Variants in POLE observed in about 807,000 individuals in gnomAD.
POLE encodes DNA polymerase epsilon catalytic subunit A.
A neutral mutation model predicts 279.2 loss-of-function variants in POLE; 188 were observed. That is an observed-to-expected ratio of 0.67 (90% CI 0.60 to 0.76). The LOEUF is 0.76. POLE is among the 30% of genes least tolerant of loss of function. The probability of loss-of-function intolerance (pLI) is 0.00; values close to 1 mark genes in which losing one functional copy is unlikely to be tolerated. For missense variants in POLE, 2,703 were observed against 3,016.7 expected (o/e 0.90, Z 2.44); for synonymous variants, 1,214 against 1,172.5 (o/e 1.04, Z -0.72).
rs1565945381 is a variant in POLE, at chr12:132,649,009, A to G, written c.4069T>C (p.Cys1357Arg). 1.2e-6 allele frequency: 2 copies of G among 1,614,020 alleles called. No homozygotes were observed. Among genetic ancestry groups the G allele is most frequent in the South Asian group, 1.1e-5 (1 of 91,088 alleles). ...ACACGGGGGATGCTCAGCCTGATGCAGTGCAAGTCACTGCCAACGAGCGCC... is the reference window on the plus strand; with the variant it reads ...ACACGGGGGATGCTCAGCCTGATGCGGTGCAAGTCACTGCCAACGAGCGCC... ...LWALVGSDLH[C>R]IRLSIPRVFY... The change falls in exon 32 of 49, where the codon TGC (cysteine) becomes CGC (arginine). Residue 1357 changes from cysteine (C) to arginine (R), a missense_variant. Physicochemically the swap from Cys to Arg is radical, Grantham distance 180. Transcript: ENST00000320574.
At chr12:132,682,207 T>C (rs1053455771) in intron 1 of POLE, among the ~76,000 whole-genome samples, 4 of 151,112 alleles carry the variant, frequency 2.6e-5, no homozygotes, top group Admixed American at 2.0e-4. Flanking sequence ...GGCAGGAGAA[T>C]GGCGTGAACC....
intron 45 of POLE, among the ~76,000 whole-genome samples, chr12:132,627,875 T>G (rs1001658816): frequency 6.6e-6 from 1 of 152,174 alleles, no homozygotes; most frequent in Admixed American, 6.5e-5. Flanking sequence ...AACTGACTCT[T>G]CCTTCCATGA....
At chr12:132,640,701 C>G (rs1202284553) in intron 39 of POLE, among the ~76,000 whole-genome samples, 1 of 152,260 alleles carries the variant, frequency 6.6e-6, no homozygotes, top group Non-Finnish European at 1.5e-5. Flanking sequence ...ACAAGAGAAC[C>G]TACAGAGGTC....
In POLE at chr12:132,632,374, G is replaced by A. The variant is rs572252265; in HGVS notation, c.6271C>T (p.Pro2091Ser). The A allele has an allele frequency of 3.7e-5, 60 of 1,614,042 alleles. No homozygotes were observed. The South Asian group carries it at 5.9e-4, about 16-fold the overall frequency. Residue 2091 changes from proline to serine, a missense_variant, in exon 45 of 49, where the codon CCC becomes TCC. Around this residue, in one of 5 missense-constraint regions of POLE, gnomAD observed 1,551 missense variants for 1,686.1 expected, o/e 0.92. Transcript: ENST00000320574. ...TELSEMFPVL[P>S]GSHLLLNNPA... ...TTATTGAGCAGCAAGTGGGAACCGG[G>A]GAGGACAGGAAACATCTCTGAGAGC...
At position 132,658,881 on chromosome 12, in the gene POLE, C is replaced by CAAAAAAAAA. The variant is rs1167117347; in HGVS notation, c.3275+405_3275+413dup. 4.3e-3 allele frequency among the ~76,000 whole-genome samples: 145 copies of CAAAAAAAAA among 33,828 alleles called. 32 individuals are homozygous for CAAAAAAAAA. The highest frequency in any genetic ancestry group is 0.011 in the African/African-American group (107 of 9,776). The allele number at this position is 33,828 out of a possible 152,430, so 22.2% of individuals were successfully genotyped here. ...ACTGGTCCTATTTGTATATAACCAC[C>CAAAAAAAAA]AAAAAAAAAAAAAAAAAAAAAAAAA... On this transcript the variant is annotated intron_variant, in intron 26 of 48. Coordinates refer to ENST00000320574, the MANE Select transcript of POLE (RefSeq NM_006231.4).
rs116482376 is a variant in POLE at position 132,649,399 on chromosome 12, G to A, written c.3912C>T (p.Pro1304=). 3.8e-5 allele frequency: 62 copies of A among 1,613,254 alleles called. No homozygotes were observed. Among genetic ancestry groups the A allele is most frequent in the South Asian group, 4.4e-5 (4 of 91,088 alleles). Residue 1304 remains proline (P), a synonymous_variant, in exon 31 of 49, where the codon CCC becomes CCT. Transcript: ENST00000320574. ...RLESAEGVLR[P]GAIRDGPATG... ...TGGCAGGACCATCCCGGATGGCCCCGGGCCTGAGCACACCCTCTGCCGACT... is the reference window on the plus strand; with the variant it reads ...TGGCAGGACCATCCCGGATGGCCCCAGGCCTGAGCACACCCTCTGCCGACT...
intron 32 of POLE, 73 bp downstream of exon 32, chr12:132,648,856 G>A (rs1336151947): frequency 1.4e-5 from 20 of 1,479,926 alleles, no homozygotes; most frequent in Non-Finnish European, 1.8e-5. Flanking sequence ...GAGGCTGGAG[G>A]CCAGGCTAGA....
Position 132,657,897 on chromosome 12 carries a change from A to G in POLE, c.3349T>C (p.Ser1117Pro), listed in dbSNP as rs777793030. The change falls in exon 27 of 49, where the codon TCT becomes CCT. Residue 1117 changes from serine to proline, a missense_variant. Around this residue, in one of 5 missense-constraint regions of POLE, gnomAD observed 1,551 missense variants for 1,686.1 expected, o/e 0.92. Coordinates refer to ENST00000320574, the MANE Select transcript of POLE (RefSeq NM_006231.4). Reference sequence around the variant, plus strand: ...CGAATATCAAAGTCTTGAAGGGAAGAGCTCTTGAGCCATTTCCGGAGAAAG... The same window carrying G: ...CGAATATCAAAGTCTTGAAGGGAAGGGCTCTTGAGCCATTTCCGGAGAAAG... ...KHFLRKWLKS[S>P]SLQDFDIRAI... The G allele has an allele frequency of 2.3e-5, 37 of 1,613,948 alleles. No homozygotes were observed. The South Asian group carries it at 3.8e-4, about 17-fold the overall frequency.
chr12:132,648,509 G>GA (rs1226516037), intron 32 of POLE: 17 of 153,960 alleles, frequency 1.1e-4, no homozygotes, highest in East Asian at 3.8e-4. Context: ...TTAAAAAAAA[G>GA]AAAAAAAAAG....
Position 132,673,167 on chromosome 12 carries a change from G to T in POLE, c.1470C>A (p.Asp490Glu), listed in dbSNP as rs5744777. ...CGACAGGACAGATAATGCTCACCTC[G>T]TCGGGCTCCATGGGAATAATGGTGC... ...ALCTIIPMEP[D>E]EVLRKGSGTL... Residue 490 changes from aspartate (D) to glutamate (E), a missense_variant, in exon 14 of 49, where the codon GAC becomes GAA. By Grantham distance (45) the Asp-to-Glu change is conservative (BLOSUM62 2). Around this residue, in one of 5 missense-constraint regions of POLE, gnomAD observed 1,011 missense variants for 1,111.7 expected, o/e 0.91. Coordinates refer to ENST00000320574, the MANE Select transcript of POLE (RefSeq NM_006231.4). 1 of 1,595,870 alleles carries T rather than the reference G, an allele frequency of 6.3e-7. No homozygotes were observed.
At chr12:132,645,894 T>C (rs1161085506) in intron 32 of POLE, among the ~76,000 whole-genome samples, 2 of 152,158 alleles carry the variant, frequency 1.3e-5, no homozygotes, top group East Asian at 1.9e-4. Context: ...TTAAAATGTA[T>C]ATATTTCCTG....
At chr12:132,629,482 C>T (rs917556987) in intron 45 of POLE, among the ~76,000 whole-genome samples, 1 of 152,230 alleles carries the variant, frequency 6.6e-6, no homozygotes, top group Non-Finnish European at 1.5e-5. Flanking sequence ...TCGCTGCAGC[C>T]TCTCCACCCG....
intron 6 of POLE, among the ~76,000 whole-genome samples, chr12:132,678,817 G>A (rs1478005404): frequency 6.6e-6 from 1 of 152,172 alleles, no homozygotes; most frequent in Non-Finnish European, 1.5e-5. Context: ...TATTCAGGGG[G>A]AAAAAGACAG....
Position 132,634,441 on chromosome 12 carries a change from G to A in POLE, c.5812-63C>T, listed in dbSNP as rs1210155317. 1.3e-6 allele frequency: 2 copies of A among 1,515,270 alleles called. No individual in the cohort carries two copies. The highest frequency in any genetic ancestry group is 4.6e-5 in the East Asian group (2 of 43,932). The allele number at this position is 1,515,270 out of a possible 1,614,324, so 93.9% of individuals were successfully genotyped here. ...TCGCGGCCTGGTAGAGGGGTAGGATGCCACAGCGAAGGCTCCTCCAACCTG... is the reference window on the plus strand; with the variant it reads ...TCGCGGCCTGGTAGAGGGGTAGGATACCACAGCGAAGGCTCCTCCAACCTG... On this transcript the variant is annotated intron_variant, in intron 42 of 48. Transcript: ENST00000320574. The surrounding 1 kb of genome is among the most constrained non-coding windows in gnomAD (Gnocchi z 4.0).
chr12:132,636,440 GGAAAAAAAAAA>G (rs1364414813), intron 41 of POLE, among the ~76,000 whole-genome samples: 40 of 70,366 alleles, frequency 5.7e-4, no homozygotes, highest in African/African-American at 1.7e-3. Flanking sequence ...ATCCATTTAA[GGAAAAAAAAAA>G]AAAAAAAAAA....
At position 132,642,840 on chromosome 12, in the gene POLE, G is replaced by T. The variant is rs1037592848; in HGVS notation, c.4708C>A (p.Arg1570=). The T allele has an allele frequency of 6.2e-7, 1 of 1,613,938 alleles. No homozygotes were observed. Among genetic ancestry groups the T allele is most frequent in the Non-Finnish European group, 8.5e-7 (1 of 1,179,998 alleles). The part of the protein sequence containing the change: ...DLKTICRAIQ[R]FLLAYKEERR... ...CTCACCTTGTAGGCGAGCAGGAATCGCTGGATGGCTCTGCAGATGGTCTTC... is the reference window on the plus strand; with the variant it reads ...CTCACCTTGTAGGCGAGCAGGAATCTCTGGATGGCTCTGCAGATGGTCTTC... The change falls in exon 36 of 49, where the codon CGA becomes AGA. Residue 1570 remains arginine, a synonymous_variant. Coordinates refer to ENST00000320574, the MANE Select transcript of POLE (RefSeq NM_006231.4).
Position 132,668,648 on chromosome 12 carries a change from C to T in POLE, c.2013G>A (p.Trp671Ter). ...ANCQRKMAWQ[W>*]RGEFMPASRS... The stretch of plus-strand genomic sequence containing the variant: ...GCCGACACTCACTGAACTCGCCCCT[C>T]CACTGCCAGGCCATCTTCCGCTGGC... Residue 671 changes from tryptophan (W) to a stop codon, truncating the protein, a stop_gained, in exon 18 of 49, where the codon TGG becomes TGA. Coordinates refer to ENST00000320574, the MANE Select transcript of POLE (RefSeq NM_006231.4). LOFTEE classifies it high-confidence loss of function. This position sits in a 1 kb window ranked among gnomAD's most constrained non-coding sequence, Gnocchi z 4.0. 3 of 1,612,756 alleles carry T rather than the reference C, an allele frequency of 1.9e-6. No homozygotes were observed. Among genetic ancestry groups the T allele is most frequent in the Non-Finnish European group, 2.5e-6 (3 of 1,178,896 alleles).
chr12:132,641,904 C>T, intron 38 of POLE, 53 bp from the exon 39 acceptor site: 1 of 1,565,548 alleles, frequency 6.4e-7, no homozygotes, highest in Non-Finnish European at 8.7e-7. Context: ...CCAGCACCAC[C>T]AGCCCCCTGG....
At chr12:132,647,998 T>G (rs1849526808) in intron 32 of POLE, among the ~76,000 whole-genome samples, 1 of 152,110 alleles carries the variant, frequency 6.6e-6, no homozygotes, top group African/African-American at 2.4e-5. Flanking sequence ...GGTACAAATA[T>G]GCACACCTCA....
Sources: allele counts gnomAD v4.1 joint callset (sites outside exome capture counted in the v4.1 genomes callset), GRCh38; gene constraint gnomAD v4.1.1; regional missense constraint gnomAD v4.1.1; non-coding constraint Gnocchi (gnomAD v3.1); transcripts MANE v1.5; gene names NCBI Gene and HGNC (gene_info 2026-07-23, HGNC 2026-07-21).